SLC25A13: variants seen among roughly 807,000 people sequenced by gnomAD.
SLC25A13 encodes the protein solute carrier family 25 member 13, also known as electrogenic aspartate/glutamate antiporter SLC25A13, mitochondrial.
SLC25A13 carries 70 observed loss-of-function variants against 85.5 expected under a neutral mutation model. The ratio of observed to expected loss-of-function variants is 0.82; its 90% CI spans 0.68 to 1.00. SLC25A13 has a LOEUF of 1.00. SLC25A13 is among the 50% of genes least tolerant of loss of function. The probability of loss-of-function intolerance (pLI) is 0.00; values close to 1 mark genes in which losing one functional copy is unlikely to be tolerated. For missense variants in SLC25A13, 765 were observed against 819.8 expected (o/e 0.93, Z 0.82); for synonymous variants, 259 against 288.7 (o/e 0.90, Z 1.04).
intron 14 of SLC25A13, among the ~76,000 whole-genome samples, chr7:96,139,819 T>C (rs1488917883): frequency 8.5e-5 from 13 of 152,224 alleles, no homozygotes; most frequent in Admixed American, 5.2e-4. Flanking sequence ...TTTAAGGCTA[T>C]AATATACCAT....
rs187260240 is a variant in SLC25A13 at position 96,121,877 on chromosome 7, C to T, written c.1712G>A (p.Arg571His). 2.6e-5 allele frequency: 42 copies of T among 1,614,174 alleles called. 1 individual carries two copies. The highest frequency in any genetic ancestry group is 3.3e-4 in the Middle Eastern group (2 of 6,062). ...GVIDCFRKIL[R>H]EEGPKALWKG... ...CCACAGAGCTTTTGGTCCTTCTTCA[C>T]GCAGTATCTTTCTAAAGCAGTCTAT... The change falls in exon 16 of 18, where the codon CGT (arginine) becomes CAT (histidine). Residue 571 changes from arginine to histidine, a missense_variant. Physicochemically the swap from Arg to His is conservative, Grantham distance 29. Coordinates refer to ENST00000265631, the MANE Select transcript of SLC25A13 (RefSeq NM_014251.3).
At chr7:96,174,245 C>G (rs747948338) in intron 11 of SLC25A13, among the ~76,000 whole-genome samples, 5 of 152,178 alleles carry the variant, frequency 3.3e-5, no homozygotes, top group Non-Finnish European at 7.3e-5. Flanking sequence ...CAAAAGCCCC[C>G]CTAAGCTCTT....
intron 3 of SLC25A13, among the ~76,000 whole-genome samples, chr7:96,245,808 A>G (rs1797168897): frequency 1.3e-5 from 2 of 152,240 alleles, no homozygotes; most frequent in African/African-American, 4.8e-5. Context: ...CCATTGAGGA[A>G]AAAAGGGAAA....
chr7:96,264,188 G>A (rs939641025), intron 3 of SLC25A13, among the ~76,000 whole-genome samples: 4 of 152,128 alleles, frequency 2.6e-5, no homozygotes, highest in Admixed American at 6.5e-5. Context: ...GGGCCTGAAC[G>A]ACTGGCCTTA....
At chr7:96,284,010 T>C (rs1177188429) in intron 2 of SLC25A13, among the ~76,000 whole-genome samples, 2 of 152,092 alleles carry the variant, frequency 1.3e-5, no homozygotes, top group African/African-American at 2.4e-5. Context: ...ACTCAACTGG[T>C]TAGAAGATGG....
chr7:96,121,657 T>G lies in SLC25A13; in HGVS notation c.1839A>C (p.Gly613=). 6.2e-7 allele frequency: 1 copy of G among 1,614,006 alleles called. No individual in the cohort carries two copies. Among genetic ancestry groups the G allele is most frequent in the Non-Finnish European group, 8.5e-7 (1 of 1,179,986 alleles). Residue 613 remains glycine (G), a splice_region_variant and synonymous_variant, in exon 17 of 18, where the codon GGA becomes GGC. Transcript: ENST00000265631. ...AGCAGATTTAGCATGATACTTACAC[T>G]CCTCCAAAATCAATGTAGAACCATC... The part of the protein sequence containing the change: ...LQRWFYIDFG[G]VKPMGSEPVP...
intron 11 of SLC25A13, among the ~76,000 whole-genome samples, chr7:96,181,201 A>G (rs142302923): frequency 2.6e-5 from 4 of 152,360 alleles, no homozygotes; most frequent in Non-Finnish European, 5.9e-5. Context: ...ACTAAAACTT[A>G]CACAAAAATA....
intron 13 of SLC25A13, among the ~76,000 whole-genome samples, chr7:96,168,098 GAAAAAAAAAAAAAAAA>G (rs543491037): frequency 2.9e-3 from 57 of 19,724 alleles, no homozygotes; most frequent in Admixed American, 0.016. Flanking sequence ...AACTCTGTCT[GAAAAAAAAAAAAAAAA>G]AAAAAAAAAA....
intron 11 of SLC25A13, among the ~76,000 whole-genome samples, chr7:96,174,480 A>G (rs915317907): frequency 6.6e-6 from 1 of 152,236 alleles, no homozygotes; most frequent in African/African-American, 2.4e-5. Context: ...ATTAATTTCT[A>G]CTAGTAATAT....
At position 96,146,685 on chromosome 7, in the gene SLC25A13, G is replaced by A. The variant is rs754659147; in HGVS notation, c.1323C>T (p.Ser441=). ...CTAAAGGATTTGTGAAAATCACCTG[G>A]GAGCCTCCAGCCTAAAAAGAACAAA... is the stretch of plus-strand genomic sequence containing the variant. ...EILAGGCAGG[S]QVIFTNPLEI... is the part of the protein sequence containing the mutation. Residue 441 remains serine, a synonymous_variant, in exon 14 of 18, where the codon TCC becomes TCT. Coordinates refer to ENST00000265631, the MANE Select transcript of SLC25A13 (RefSeq NM_014251.3). 1 of 1,613,992 alleles carries A rather than the reference G, an allele frequency of 6.2e-7. No individual in the cohort carries two copies. Among genetic ancestry groups the A allele is most frequent in the Admixed American group, 1.7e-5 (1 of 60,000 alleles).
chr7:96,171,191 T>C (rs775917082), intron 12 of SLC25A13, among the ~76,000 whole-genome samples: 9 of 152,244 alleles, frequency 5.9e-5, no homozygotes, highest in Non-Finnish European at 1.3e-4. Flanking sequence ...ATATACGTCA[T>C]GTGCCTAATA....
intron 14 of SLC25A13, among the ~76,000 whole-genome samples, chr7:96,137,189 G>A (rs1429655488): frequency 6.6e-6 from 1 of 152,170 alleles, no homozygotes; most frequent in Non-Finnish European, 1.5e-5. Context: ...GTGAGTTTGA[G>A]TGTCTTGCTG....
At chr7:96,283,449 G>A (rs1798762454) in intron 2 of SLC25A13, 6 of 431,846 alleles carry the variant, frequency 1.4e-5, no homozygotes, top group South Asian at 1.1e-4. Context: ...CCACATATAT[G>A]CAAATCTATA....
chr7:96,163,089 A>C (rs1793578159), intron 13 of SLC25A13, among the ~76,000 whole-genome samples: 1 of 152,160 alleles, frequency 6.6e-6, no homozygotes. Flanking sequence ...TGGCAGTTAA[A>C]ACATCCTTTG....
intron 1 of SLC25A13, among the ~76,000 whole-genome samples, chr7:96,306,135 G>A (rs1799734072): frequency 6.6e-6 from 1 of 152,166 alleles, no homozygotes; most frequent in South Asian, 2.1e-4. Flanking sequence ...ACTTCCCCAA[G>A]TCACACAGTT....
intron 11 of SLC25A13, among the ~76,000 whole-genome samples, chr7:96,176,331 T>C (rs887905167): frequency 1.3e-5 from 2 of 152,250 alleles, no homozygotes; most frequent in Non-Finnish European, 2.9e-5. Context: ...AAACAGAGAA[T>C]GGATGTGTGT....
At chr7:96,250,739 C>A (rs368233150) in intron 3 of SLC25A13, among the ~76,000 whole-genome samples, 1,037 of 118,032 alleles carry the variant, frequency 8.8e-3, no homozygotes, top group Non-Finnish European at 0.011. Context: ...AGACCTGTTA[C>A]AAAAAAAAAA....
chr7:96,185,056 A>G (rs1562824260), intron 9 of SLC25A13, 45 bp from the exon 10 acceptor site: 3 of 1,519,616 alleles, frequency 2.0e-6, no homozygotes, highest in Non-Finnish European at 1.8e-6. Context: ...AACAGGTGAC[A>G]GAAAAGAAGA....
rs142660735 is a variant in SLC25A13 at position 96,262,734 on chromosome 7, T to C, written c.212+14462A>G. ...TTCTCGTGCAAAGCTCAATTTTAAATATTCTTCTCTATGCATAGAAAGTTT... is the reference window on the plus strand; with the variant it reads ...TTCTCGTGCAAAGCTCAATTTTAAACATTCTTCTCTATGCATAGAAAGTTT... On this transcript the variant is annotated intron_variant, in intron 3 of 17. Transcript: ENST00000265631. Among the ~76,000 whole-genome samples the C allele has an allele frequency of 4.6e-3, 694 of 152,298 alleles. 7 individuals carry two copies. Among genetic ancestry groups the C allele is most frequent in the African/African-American group, 0.016 (668 of 41,566 alleles).
Sources: allele counts gnomAD v4.1 joint callset (sites outside exome capture counted in the v4.1 genomes callset), GRCh38; gene constraint gnomAD v4.1.1; transcripts MANE v1.5; gene names NCBI Gene and HGNC (gene_info 2026-07-23, HGNC 2026-07-21).